FSTL5: variants seen among roughly 807,000 people sequenced by gnomAD.
FSTL5 encodes the protein follistatin-related protein 5.
Under a neutral mutation model 89.1 loss-of-function variants are expected in FSTL5, and 62 were observed. That is an observed-to-expected ratio of 0.70 (90% CI 0.57 to 0.86). The LOEUF is 0.86. FSTL5 is among the 40% of genes least tolerant of loss of function. FSTL5 has a pLI of 0.00. For synonymous variants in FSTL5, 383 were observed against 346.2 expected, an observed-to-expected ratio of 1.11 and a Z score of -1.18; for missense variants, 1,057 against 1,001.6, an observed-to-expected ratio of 1.06 and a Z score of -0.75.
intron 7 of FSTL5, 95 bp downstream of exon 7, chr4:161,656,233 C>A (rs1736507234): frequency 1.7e-6 from 1 of 574,018 alleles, no homozygotes; most frequent in Non-Finnish European, 2.8e-6. Flanking sequence ...TTTTACTCTG[C>A]ATCCAATATT....
At chr4:162,074,733 A>C (rs1561004840) in intron 2 of FSTL5, among the ~76,000 whole-genome samples, 1 of 151,770 alleles carries the variant, frequency 6.6e-6, no homozygotes, top group African/African-American at 2.4e-5. Flanking sequence ...AAGCTAATTA[A>C]CATACGCATT....
chr4:161,987,787 G>A (rs1483021116), intron 3 of FSTL5, among the ~76,000 whole-genome samples: 2 of 151,516 alleles, frequency 1.3e-5, no homozygotes, highest in Non-Finnish European at 2.9e-5. Context: ...AGGAATGCAG[G>A]ACAACACCAT....
chr4:161,722,627 C>A (rs1161071045), intron 6 of FSTL5, among the ~76,000 whole-genome samples: 2 of 152,258 alleles, frequency 1.3e-5, no homozygotes, highest in East Asian at 3.9e-4. Context: ...TATCTATATG[C>A]AGAACTAACC....
chr4:161,939,211 G>T (rs898070462), intron 3 of FSTL5, among the ~76,000 whole-genome samples: 2 of 151,628 alleles, frequency 1.3e-5, no homozygotes, highest in Non-Finnish European at 2.9e-5. Flanking sequence ...TAATAAGGAA[G>T]ATTCATTTAA....
chr4:161,856,084 T>A (rs1407671204), intron 4 of FSTL5, among the ~76,000 whole-genome samples: 1 of 152,058 alleles, frequency 6.6e-6, no homozygotes, highest in Non-Finnish European at 1.5e-5. Flanking sequence ...TAGCAATATA[T>A]CAATAATAAC....
At chr4:161,586,643 C>G (rs1371003920) in intron 8 of FSTL5, among the ~76,000 whole-genome samples, 1 of 152,132 alleles carries the variant, frequency 6.6e-6, no homozygotes, top group South Asian at 2.1e-4. Flanking sequence ...TCAGAATGTG[C>G]TACTCTGTAT....
At chr4:161,625,252 A>G (rs1168583659) in intron 7 of FSTL5, among the ~76,000 whole-genome samples, 1 of 152,124 alleles carries the variant, frequency 6.6e-6, no homozygotes, top group Non-Finnish European at 1.5e-5. Flanking sequence ...TGCAATTTTT[A>G]CAAACGAAAA....
At chr4:161,638,819 C>T (rs1170335791) in intron 7 of FSTL5, among the ~76,000 whole-genome samples, 1 of 132,982 alleles carries the variant, frequency 7.5e-6, no homozygotes, top group African/African-American at 2.9e-5. Flanking sequence ...TGGGCTTCAT[C>T]CCTGGGATGC....
intron 2 of FSTL5, among the ~76,000 whole-genome samples, chr4:162,064,118 C>T (rs1363447221): frequency 2.0e-5 from 3 of 151,740 alleles, no homozygotes; most frequent in Non-Finnish European, 2.9e-5. Context: ...TTGGTCTCCC[C>T]GAATAAATTT....
intron 1 of FSTL5, among the ~76,000 whole-genome samples, chr4:162,149,281 G>A (rs1203181947): frequency 6.6e-6 from 1 of 152,050 alleles, no homozygotes; most frequent in Non-Finnish European, 1.5e-5. Context: ...GCTCAAGCCT[G>A]TAATCCAGGC....
chr4:162,155,650 T>C (rs1008437359), intron 1 of FSTL5, among the ~76,000 whole-genome samples: 3 of 152,184 alleles, frequency 2.0e-5, no homozygotes, highest in African/African-American at 7.2e-5. Context: ...GAAAATCACA[T>C]GGGAGCACAG....
chr4:161,409,442 C>A (rs531971290), intron 15 of FSTL5, among the ~76,000 whole-genome samples: 4 of 151,810 alleles, frequency 2.6e-5, no homozygotes, highest in Non-Finnish European at 5.9e-5. Flanking sequence ...AGTCCAGTGG[C>A]GTGATCTTGG....
intron 6 of FSTL5, among the ~76,000 whole-genome samples, chr4:161,698,894 G>T (rs916728922): frequency 6.6e-5 from 10 of 152,132 alleles, no homozygotes; most frequent in Non-Finnish European, 1.5e-5. Flanking sequence ...AGGTTGCAGT[G>T]AGCCGAGATC....
At chr4:161,976,868 G>A (rs550363207) in intron 3 of FSTL5, among the ~76,000 whole-genome samples, 1 of 152,136 alleles carries the variant, frequency 6.6e-6, no homozygotes, top group Middle Eastern at 3.4e-3. Context: ...ACATAAATGA[G>A]AATTACAAAT....
intron 10 of FSTL5, among the ~76,000 whole-genome samples, chr4:161,515,855 A>G (rs12331148): frequency 0.19 from 29,226 of 151,044 alleles, 3,066 homozygotes; most frequent in East Asian, 0.37. Context: ...TGACCATCCC[A>G]CTAAGTAGTT....
chr4:161,879,669 T>C (rs1387200470), intron 4 of FSTL5, among the ~76,000 whole-genome samples: 1 of 152,166 alleles, frequency 6.6e-6, no homozygotes, highest in Non-Finnish European at 1.5e-5. Context: ...CTCTCTGCCT[T>C]ATGTCTTGAA....
chr4:162,002,658 T>C (rs1161271286), intron 3 of FSTL5, among the ~76,000 whole-genome samples: 1 of 152,214 alleles, frequency 6.6e-6, no homozygotes, highest in South Asian at 2.1e-4. Flanking sequence ...GATAAAACAA[T>C]AGCTCCAATC....
chr4:161,561,839 T>A (rs968396769), intron 8 of FSTL5, among the ~76,000 whole-genome samples: 1 of 151,946 alleles, frequency 6.6e-6, no homozygotes, highest in Admixed American at 6.6e-5. Flanking sequence ...AGAAGAAAAA[T>A]TAAAGTCACT....
intron 4 of FSTL5, among the ~76,000 whole-genome samples, chr4:161,912,200 A>G (rs1452138504): frequency 6.6e-6 from 1 of 152,224 alleles, no homozygotes; most frequent in Admixed American, 6.5e-5. Context: ...TGTAAAAAGC[A>G]TTCTTTGCTT....
Sources: gnomAD v4.1 joint callset for allele counts (sites outside exome capture counted in the v4.1 genomes callset) on GRCh38, gnomAD v4.1.1 for gene constraint, MANE v1.5 for transcripts, NCBI Gene and HGNC (gene_info 2026-07-23, HGNC 2026-07-21) for gene names.